NOS2: variants seen among roughly 807,000 people sequenced by gnomAD.
The protein encoded by NOS2 is nitric oxide synthase, inducible.
A neutral mutation model predicts 136.0 loss-of-function variants in NOS2; 96 were observed. That is an observed-to-expected ratio of 0.71 (90% CI 0.60 to 0.84). The LOEUF (loss-of-function observed/expected upper bound fraction) is 0.84, where lower values mean the gene tolerates loss of function less well. Ranked by LOEUF, NOS2 falls within the 40% of genes least tolerant of loss-of-function variation. The pLI, the probability that NOS2 is intolerant of heterozygous loss-of-function variation, is 0.00. For synonymous variants in NOS2, 539 were observed against 587.5 expected, an observed-to-expected ratio of 0.92 and a Z score of 1.20; for missense variants, 1,237 against 1,496.9, an observed-to-expected ratio of 0.83 and a Z score of 2.87.
chr17:27,797,131 A>T (rs1909378110), intron 2 of NOS2, among the ~76,000 whole-genome samples: 1 of 151,678 alleles, frequency 6.6e-6, no homozygotes, highest in Non-Finnish European at 1.5e-5. Context: ...GCCTCTGCTC[A>T]CCTCTCCCCT....
In NOS2 at chr17:27,783,113, G is replaced by C. The variant is rs767855134; in HGVS notation, c.468-7C>G. 6.2e-7 allele frequency: 1 copy of C among 1,613,968 alleles called. No homozygotes were observed. The highest frequency in any genetic ancestry group is 8.5e-7 in the Non-Finnish European group (1 of 1,179,874). ...ATGTTCCTCTATTTTTGCCCTGGGGGACAGGAAGACAGCAGGAAGATCAAC... is the reference window on the plus strand; with the variant it reads ...ATGTTCCTCTATTTTTGCCCTGGGGCACAGGAAGACAGCAGGAAGATCAAC... On this transcript the variant is annotated splice_region_variant and splice_polypyrimidine_tract_variant and intron_variant, in intron 5 of 26. Transcript: ENST00000313735.
chr17:27,759,902 G>A, intron 25 of NOS2, 128 bp downstream of exon 25: 1 of 866,224 alleles, frequency 1.2e-6, no homozygotes, highest in Non-Finnish European at 1.7e-6. Context: ...CACTCTGATG[G>A]TTGTGAATTA....
chr17:27,786,762 A>G, intron 5 of NOS2, among the ~76,000 whole-genome samples: 1 of 152,206 alleles, frequency 6.6e-6, no homozygotes. Flanking sequence ...ATAGAGAGAC[A>G]AAGTAACTTG....
At position 27,769,470 on chromosome 17, in the gene NOS2, C is replaced by T. The variant is rs556155190; in HGVS notation, c.1859+65G>A. 7 of 1,395,708 alleles carry T rather than the reference C, an allele frequency of 5.0e-6. No individual in the cohort carries two copies. In the South Asian group the frequency reaches 8.1e-5, roughly 16 times the overall value. The allele number at this position is 1,395,708 out of a possible 1,614,324, so 86.5% of individuals were successfully genotyped here. A position where few individuals can be genotyped will look rare whatever the true frequency, so the allele number is the denominator to read the frequency against. On this transcript the variant is annotated intron_variant, in intron 16 of 26. Coordinates refer to ENST00000313735, the MANE Select transcript of NOS2 (RefSeq NM_000625.4). ...ACCCCCTGTGCACACCCAGTTCCAT[C>T]CCCTGAACCCAGACTTTGGGTCCAC... is the stretch of plus-strand genomic sequence containing the variant.
In NOS2 at chr17:27,764,081, A is replaced by T. The variant is rs1452097545; in HGVS notation, c.2492T>A (p.Phe831Tyr). 6.2e-7 allele frequency: 1 copy of T among 1,611,000 alleles called. No individual in the cohort carries two copies. ...PCSLSQALTYFLDITTPPTQL... is the reference protein window; with the variant it reads ...PCSLSQALTYYLDITTPPTQL... ...GGTTGGGGGTGTGGTGATGTCCAGG[A>T]AGTAGGTGAGGGCCTGGCTGAGTGA... The change falls in exon 21 of 27, where the codon TTC becomes TAC. Residue 831 changes from phenylalanine (F) to tyrosine (Y), a missense_variant. Transcript: ENST00000313735.
intron 22 of NOS2, among the ~76,000 whole-genome samples, chr17:27,761,504 A>C (rs1207179578): frequency 6.6e-6 from 1 of 152,038 alleles, no homozygotes; most frequent in Non-Finnish European, 1.5e-5. Context: ...GAAAAAGGTC[A>C]CTCAGGTCGT....
At chr17:27,797,631 G>C (rs896395883) in intron 2 of NOS2, among the ~76,000 whole-genome samples, 1 of 152,198 alleles carries the variant, frequency 6.6e-6, no homozygotes, top group Non-Finnish European at 1.5e-5. Flanking sequence ...AGGCTCCTCT[G>C]GGGCGGTGGG....
At chr17:27,769,430 C>T (rs1413444566) in intron 16 of NOS2, 105 bp downstream of exon 16, 3 of 988,220 alleles carry the variant, frequency 3.0e-6, no homozygotes, top group South Asian at 2.7e-5. Context: ...TCTGTGCCTG[C>T]ACGGTTCTGA....
intron 26 of NOS2, among the ~76,000 whole-genome samples, chr17:27,757,928 G>A (rs931162833): frequency 6.6e-6 from 1 of 152,148 alleles, no homozygotes; most frequent in African/African-American, 2.4e-5. Flanking sequence ...AGCCCAGAGT[G>A]TTTCCTTCAG....
chr17:27,774,188 GCA>G (rs66764731), intron 12 of NOS2, 67 bp downstream of exon 12: 23,176 of 971,468 alleles, frequency 0.024, 1 homozygote, highest in South Asian at 0.035. Context: ...ACAATGAGGT[GCA>G]CACACACACA....
chr17:27,791,394 A>G (rs1358392655), intron 2 of NOS2, among the ~76,000 whole-genome samples: 3 of 152,190 alleles, frequency 2.0e-5, no homozygotes, highest in Non-Finnish European at 4.4e-5. Context: ...TCCATCCTTG[A>G]TAGCTTGTCG....
In NOS2 at chr17:27,766,606, A is replaced by G. The variant is rs774001823; in HGVS notation, c.2168-18T>C. 1 of 1,609,626 alleles carries G rather than the reference A, an allele frequency of 6.2e-7. No individual in the cohort carries two copies. Among genetic ancestry groups the G allele is most frequent in the Non-Finnish European group, 8.5e-7 (1 of 1,175,922 alleles). On this transcript the variant is annotated intron_variant, in intron 18 of 26. Coordinates refer to ENST00000313735, the MANE Select transcript of NOS2 (RefSeq NM_000625.4). ...GCTGAGGGCTGTGGAGGACACAGAG[A>G]CGGTGAAATGGCAAAGTGGTTCTTG... is the stretch of plus-strand genomic sequence containing the variant.
chr17:27,768,138 C>A (rs1908368938), intron 17 of NOS2, among the ~76,000 whole-genome samples: 1 of 150,592 alleles, frequency 6.6e-6, no homozygotes, highest in Admixed American at 6.6e-5. Flanking sequence ...AAGCCCCAAC[C>A]ACCTGGGCTC....
In NOS2 at chr17:27,760,059, C is replaced by T; in HGVS notation, c.3130G>A (p.Ala1044Thr). The part of the protein sequence containing the change: ...QKGVLHAVHT[A>T]YSRLPGKPKV... ...GGCTTGCCAGGCAGGCGGGAATAGG[C>T]TGTGTGCACCGCATGCAGCACCCCC... is the stretch of plus-strand genomic sequence containing the variant. Residue 1044 changes from alanine (A) to threonine (T), a missense_variant, in exon 25 of 27, where the codon GCC (alanine) becomes ACC (threonine). Transcript: ENST00000313735. 1 of 1,581,612 alleles carries T rather than the reference C, an allele frequency of 6.3e-7. No individual in the cohort carries two copies. The highest frequency in any genetic ancestry group is 2.3e-5 in the East Asian group (1 of 43,082).
In NOS2 at chr17:27,774,462, A is replaced by G. The variant is rs755074702; in HGVS notation, c.1282-11T>C. The G allele has an allele frequency of 4.1e-6, 6 of 1,453,996 alleles. No individual in the cohort carries two copies. The highest frequency in any genetic ancestry group is 3.0e-5 in the South Asian group (2 of 66,150). 90.1% of individuals were successfully genotyped at this position (1,453,996 alleles called of 1,614,324 possible). ...GGTCACATTCTGCTTCTGTATCAGA[A>G]GGCAAGATAGGGAGTGGAGATAAGG... On this transcript the variant is annotated splice_polypyrimidine_tract_variant and intron_variant, in intron 11 of 26. Transcript: ENST00000313735.
intron 24 of NOS2, 34 bp downstream of exon 24, chr17:27,760,589 G>C: frequency 6.4e-7 from 1 of 1,551,478 alleles, no homozygotes; most frequent in Non-Finnish European, 8.7e-7. Context: ...TGGCCCCCTG[G>C]TGCCCCTCCC....
intron 18 of NOS2, among the ~76,000 whole-genome samples, chr17:27,767,284 T>A (rs1487895766): frequency 6.6e-6 from 1 of 152,230 alleles, no homozygotes; most frequent in Non-Finnish European, 1.5e-5. Flanking sequence ...ACACCTTCTC[T>A]ACGACACTTG....
intron 24 of NOS2, 119 bp downstream of exon 24, chr17:27,760,504 C>A: frequency 1.4e-6 from 2 of 1,384,766 alleles, no homozygotes; most frequent in Admixed American, 2.1e-5. Context: ...CACAGGGAAG[C>A]AAACTTGGGA....
At chr17:27,786,213 G>A (rs1010535750) in intron 5 of NOS2, among the ~76,000 whole-genome samples, 1 of 151,838 alleles carries the variant, frequency 6.6e-6, no homozygotes, top group Non-Finnish European at 1.5e-5. Flanking sequence ...ACAAGGTCAG[G>A]GGATTGAGAT....
Sources: allele counts gnomAD v4.1 joint callset (sites outside exome capture counted in the v4.1 genomes callset), GRCh38; gene constraint gnomAD v4.1.1; transcripts MANE v1.5; gene names NCBI Gene and HGNC (gene_info 2026-07-23, HGNC 2026-07-21).